Variants in ZNF706 observed in about 807,000 individuals in gnomAD.
ZNF706 encodes the protein zinc finger protein 706, also known as transcriptional regulator ZNF706.
In ZNF706, 4 loss-of-function variants were observed where a neutral mutation model predicts 9.2. The ratio of observed to expected loss-of-function variants is 0.43; its 90% CI spans 0.21 to 0.99. The LOEUF (loss-of-function observed/expected upper bound fraction) is 0.99. Among genes scored for constraint, ZNF706 ranks in the 50% least tolerant of loss-of-function variants. The pLI, the probability that ZNF706 is intolerant of heterozygous loss-of-function variation, is 0.26. For synonymous variants in ZNF706, 28 were observed against 27.3 expected (o/e 1.03, Z -0.08); for missense variants, 27 against 87.8 (o/e 0.31, Z 2.77).
intron 3 of ZNF706, 35 bp downstream of exon 3, chr8:101,199,955 T>C: frequency 6.8e-7 from 1 of 1,473,658 alleles, no homozygotes; most frequent in Non-Finnish European, 9.5e-7. Flanking sequence ...TACAACCCTG[T>C]TATTAACAAA....
chr8:101,199,898 A>G (rs1394333173), intron 3 of ZNF706, 92 bp downstream of exon 3: 1 of 861,368 alleles, frequency 1.2e-6, no homozygotes, highest in Non-Finnish European at 1.8e-6. Flanking sequence ...AAATCTCAGA[A>G]GGCAGAAATT....
In ZNF706 at chr8:101,200,337, A is replaced by T. The variant is rs541878923; in HGVS notation, c.136-240T>A. ...AATGTATTCTGCTTATCTGATTAAC[A>T]GCAAACAATAGGTAACATTTACTGA... On this transcript the variant is annotated intron_variant, in intron 2 of 3. Coordinates refer to ENST00000311212, the MANE Select transcript of ZNF706 (RefSeq NM_016096.5). The T allele has an allele frequency of 2.8e-4, 97 of 345,752 alleles. No individual in the cohort carries two copies. Among genetic ancestry groups the T allele is most frequent in the Non-Finnish European group, 3.6e-4 (66 of 183,064 alleles). The allele number at this position is 345,752 out of a possible 1,614,324, so 21.4% of individuals were successfully genotyped here.
rs1810435763 is a variant in ZNF706 at position 101,198,327 on chromosome 8, C to T, written c.*925G>A. 2 of 152,188 alleles carry T rather than the reference C, an allele frequency of 1.3e-5. No individual in the cohort carries two copies. Among genetic ancestry groups the T allele is most frequent in the Non-Finnish European group, 2.9e-5 (2 of 68,028 alleles). The allele number at this position is 152,188 out of a possible 1,614,324, so 9.4% of individuals were successfully genotyped here. On this transcript the variant is annotated 3_prime_UTR_variant, in exon 4 of 4. Transcript: ENST00000311212. ...CCAGCCACAAGTCATTCCAATCTTC[C>T]TGTTAATGCAAAATCCATTTGTAAA...
At chr8:101,203,920 TTATG>T (rs1810655169) in intron 1 of ZNF706, 1 of 152,250 alleles carries the variant, frequency 6.6e-6, no homozygotes. Context: ...GTTTGGATAC[TTATG>T]TATTATTTGG....
At position 101,201,813 on chromosome 8, in the gene ZNF706, G is replaced by A. The variant is rs749168202; in HGVS notation, c.-2-70C>T. On this transcript the variant is annotated intron_variant, in intron 1 of 3. Transcript: ENST00000311212. This position sits in a 1 kb window ranked among gnomAD's most constrained non-coding sequence, Gnocchi z 4.5. ...TACAGAGTAATCAAAGCATAAGAAC[G>A]TTCTTAGAATTGAAGCCTTAAGTTT... The A allele has an allele frequency of 2.9e-5, 44 of 1,499,320 alleles. No individual in the cohort carries two copies. The highest frequency in any genetic ancestry group is 1.1e-4 in the African/African-American group (8 of 70,830). The allele number at this position is 1,499,320 out of a possible 1,614,324, so 92.9% of individuals were successfully genotyped here.
intron 1 of ZNF706, chr8:101,202,284 C>CG (rs1810586981): frequency 1.2e-5 from 1 of 81,626 alleles, no homozygotes; most frequent in African/African-American, 5.0e-5. Flanking sequence ...ACTAAAAATA[C>CG]AAAAAAAAAA....
intron 1 of ZNF706, chr8:101,204,122 A>C (rs1193115199): frequency 2.0e-5 from 3 of 152,262 alleles, no homozygotes; most frequent in African/African-American, 7.2e-5. Flanking sequence ...TATGTTAAAA[A>C]AAATCTTCAA....
chr8:101,204,961 C>T (rs1810698258), intron 1 of ZNF706: 4 of 985,172 alleles, frequency 4.1e-6, no homozygotes, highest in South Asian at 9.4e-5. Context: ...GAGGTCTCCA[C>T]CCAACACTTC....
rs765521856 is a variant in ZNF706, at chr8:101,201,572, G to A, written c.135+35C>T. 12 of 1,593,994 alleles carry A rather than the reference G, an allele frequency of 7.5e-6. No homozygotes were observed. The highest frequency in any genetic ancestry group is 1.7e-5 in the Admixed American group (1 of 57,386). ...ATCTATTCAAGCCAAAACTGCCCAC[G>A]GGAGAGCTGTATCTTTCAATTCAAT... is the stretch of plus-strand genomic sequence containing the variant. On this transcript the variant is annotated intron_variant, in intron 2 of 3. Coordinates refer to ENST00000311212, the MANE Select transcript of ZNF706 (RefSeq NM_016096.5). This position sits in a 1 kb window ranked among gnomAD's most constrained non-coding sequence, Gnocchi z 4.5.
intron 2 of ZNF706, 46 bp from the exon 3 acceptor site, chr8:101,200,143 T>TA: frequency 6.8e-7 from 1 of 1,463,910 alleles, no homozygotes; most frequent in Admixed American, 1.7e-5. Flanking sequence ...ATTTATAAAA[T>TA]AAAAATGTGT....
rs1810423014 is a variant in ZNF706 at position 101,197,944 on chromosome 8, A to G, written c.*1308T>C. The G allele has an allele frequency of 6.6e-6, 1 of 152,188 alleles. No homozygotes were observed. Among genetic ancestry groups the G allele is most frequent in the Non-Finnish European group, 1.5e-5 (1 of 67,998 alleles). The allele number at this position is 152,188 out of a possible 1,614,324, so 9.4% of individuals were successfully genotyped here. On this transcript the variant is annotated 3_prime_UTR_variant, in exon 4 of 4. Transcript: ENST00000311212. ...ATTCTGTAATCCACAGGATCAGATA[A>G]ATGGCTCTAAGCAGTTACCAGTAAG...
rs1447808892 is a variant in ZNF706 at position 101,199,016 on chromosome 8, A to T, written c.*236T>A. ...TCAATATAATTACAATTGTAAAAAA[A>T]TTTTTTATAACAAGGATGGACTGAT... On this transcript the variant is annotated 3_prime_UTR_variant, in exon 4 of 4. Coordinates refer to ENST00000311212, the MANE Select transcript of ZNF706 (RefSeq NM_016096.5). 7.1e-6 allele frequency: 3 copies of T among 422,100 alleles called. No individual in the cohort carries two copies. Among genetic ancestry groups the T allele is most frequent in the Non-Finnish European group, 1.3e-5 (3 of 237,932 alleles). 26.1% of individuals were successfully genotyped at this position (422,100 alleles called of 1,614,324 possible). A position where few individuals can be genotyped will look rare whatever the true frequency, so the allele number is the denominator to read the frequency against.
Position 101,201,753 on chromosome 8 carries a change from G to A in ZNF706, c.-2-10C>T. The A allele has an allele frequency of 1.2e-6, 2 of 1,613,958 alleles. No individual in the cohort carries two copies. The highest frequency in any genetic ancestry group is 2.2e-5 in the East Asian group (1 of 44,866). On this transcript the variant is annotated splice_polypyrimidine_tract_variant and intron_variant, in intron 1 of 3. Coordinates refer to ENST00000311212, the MANE Select transcript of ZNF706 (RefSeq NM_016096.5). This position sits in a 1 kb window ranked among gnomAD's most constrained non-coding sequence, Gnocchi z 4.5. ...TGTCCACGAGCCATATCTAAAAACA[G>A]AAGGTGAAGCATTAGAGTGGCTTAT...
rs13267434 is a variant in ZNF706, at chr8:101,205,048, C to G, written c.-3+387G>C. 6 of 657,514 alleles carry G rather than the reference C, an allele frequency of 9.1e-6. No individual in the cohort carries two copies. Among genetic ancestry groups the G allele is most frequent in the Non-Finnish European group, 1.1e-5 (6 of 530,642 alleles). 40.7% of individuals were successfully genotyped at this position (657,514 alleles called of 1,614,324 possible). Reference sequence around the variant, plus strand: ...CGCCTCGGAGACCCCCTCCTCCTCCCTGCCACCAAAGGCCACGCAGCCCCC... The same window carrying G: ...CGCCTCGGAGACCCCCTCCTCCTCCGTGCCACCAAAGGCCACGCAGCCCCC... On this transcript the variant is annotated intron_variant, in intron 1 of 3. Transcript: ENST00000311212. This position sits in a 1 kb window ranked among gnomAD's most constrained non-coding sequence, Gnocchi z 6.6.
chr8:101,201,362 A>G lies in ZNF706; in HGVS notation c.135+245T>C. 2.1e-6 allele frequency: 1 copy of G among 468,626 alleles called. No homozygotes were observed. The highest frequency in any genetic ancestry group is 3.6e-5 in the East Asian group (1 of 27,762). The allele number at this position is 468,626 out of a possible 1,614,324, so 29.0% of individuals were successfully genotyped here. On this transcript the variant is annotated intron_variant, in intron 2 of 3. Coordinates refer to ENST00000311212, the MANE Select transcript of ZNF706 (RefSeq NM_016096.5). The surrounding 1 kb of genome is among the most constrained non-coding windows in gnomAD (Gnocchi z 4.5). ...CCTTATGAAGACATCTTTATTTTATATGAGGAAAGCAATTTTGTTTTGTTC... is the reference window on the plus strand; with the variant it reads ...CCTTATGAAGACATCTTTATTTTATGTGAGGAAAGCAATTTTGTTTTGTTC...
Position 101,197,816 on chromosome 8 carries a change from C to T in ZNF706, c.*1436G>A, listed in dbSNP as rs949024786. 1 of 152,158 alleles carries T rather than the reference C, an allele frequency of 6.6e-6. No homozygotes were observed. Among genetic ancestry groups the T allele is most frequent in the African/African-American group, 2.4e-5 (1 of 41,440 alleles). 9.4% of individuals were successfully genotyped at this position (152,158 alleles called of 1,614,324 possible). A position where few individuals can be genotyped will look rare whatever the true frequency, so the allele number is the denominator to read the frequency against. On this transcript the variant is annotated 3_prime_UTR_variant, in exon 4 of 4. Transcript: ENST00000311212. ...TGCTAAGAAACTATCAGCCCTGAAG[C>T]TTTTCCTTGGAAACGTCTTAAACTT... is the stretch of plus-strand genomic sequence containing the variant.
rs1245781247 is a variant in ZNF706 at position 101,197,228 on chromosome 8, G to C, written c.*2024C>G. On this transcript the variant is annotated 3_prime_UTR_variant, in exon 4 of 4. Transcript: ENST00000311212. ...ATACAAATGGACCAATTCTCTCTCAGTGTTATTTTATCAAGTCTTTGAAGA... is the reference window on the plus strand; with the variant it reads ...ATACAAATGGACCAATTCTCTCTCACTGTTATTTTATCAAGTCTTTGAAGA... 6.6e-6 allele frequency: 1 copy of C among 152,152 alleles called. No individual in the cohort carries two copies. Among genetic ancestry groups the C allele is most frequent in the African/African-American group, 2.4e-5 (1 of 41,428 alleles). The allele number at this position is 152,152 out of a possible 1,614,324, so 9.4% of individuals were successfully genotyped here.
At chr8:101,199,528 TATCTAC>T (rs1347210842) in intron 3 of ZNF706, among the ~76,000 whole-genome samples, 2 of 152,160 alleles carry the variant, frequency 1.3e-5, no homozygotes, top group Non-Finnish European at 2.9e-5. Context: ...ATATAGCACA[TATCTAC>T]ATCTACATTT....
chr8:101,206,024 G>A (rs1810761448), upstream of ZNF706: 1 of 152,226 alleles, frequency 6.6e-6, no homozygotes, highest in Non-Finnish European at 1.5e-5. Context: ...GCGGCGGCCG[G>A]GCCTCAGGCG....
Sources: gnomAD v4.1 joint callset for allele counts (sites outside exome capture counted in the v4.1 genomes callset) on GRCh38, gnomAD v4.1.1 for gene constraint, Gnocchi (gnomAD v3.1) non-coding constraint, MANE v1.5 for transcripts, NCBI Gene and HGNC (gene_info 2026-07-23, HGNC 2026-07-21) for gene names.